The following GRIA4 variants were observed in gnomAD, a reference collection of about 807,000 sequenced individuals.
GRIA4 encodes glutamate ionotropic receptor AMPA type subunit 4.
In GRIA4, 34 loss-of-function variants were observed where a neutral mutation model predicts 104.0. That is an observed-to-expected ratio of 0.33 (90% CI 0.25 to 0.44). GRIA4 has a LOEUF of 0.44. GRIA4 is among the 20% of genes least tolerant of loss of function. GRIA4 has a pLI of 1.00. For missense variants in GRIA4, 750 were observed against 1,096.5 expected (o/e 0.68, Z 4.46); for synonymous variants, 386 against 381.9 (o/e 1.01, Z -0.13).
chr11:105,898,257 T>C lies in GRIA4; in HGVS notation c.727-12T>C, dbSNP rs609239. On this transcript the variant is annotated splice_polypyrimidine_tract_variant and intron_variant, in intron 6 of 16. Coordinates refer to ENST00000282499, the MANE Select transcript of GRIA4 (RefSeq NM_000829.4). ...AACTAAATTTAACAATCTTTTGTAT[T>C]AATTTTTATAGGGATTCAAGGATAT... 0.09 allele frequency: 124,790 copies of C among 1,388,728 alleles called. 6,645 individuals carry two copies. The highest frequency in any genetic ancestry group is 0.22 in the Admixed American group (11,856 of 53,110). 86.0% of individuals were successfully genotyped at this position (1,388,728 alleles called of 1,614,324 possible). A position where few individuals can be genotyped will look rare whatever the true frequency, so the allele number is the denominator to read the frequency against.
chr11:105,877,163 A>C (rs760110569), intron 5 of GRIA4, among the ~76,000 whole-genome samples: 1 of 152,164 alleles, frequency 6.6e-6, no homozygotes, highest in South Asian at 2.1e-4. Context: ...TCCTTCGCTT[A>C]TGAAGCTTAG....
At position 105,924,469 on chromosome 11, in the gene GRIA4, C is replaced by T. The variant is rs553976544; in HGVS notation, c.1547C>T (p.Pro516Leu). ...GAGGAGGTCATTGACTTTTCTAAGC[C>T]CTTCATGAGTTTGGGCATATCTATC... ...VREEVIDFSKPFMSLGISIMI... is the reference protein window; with the variant it reads ...VREEVIDFSKLFMSLGISIMI... Residue 516 changes from proline (P) to leucine (L), a missense_variant, in exon 12 of 17, where the codon CCC becomes CTC. Physicochemically the swap from Pro to Leu is moderately conservative, Grantham distance 98 (BLOSUM62 -3). Coordinates refer to ENST00000282499, the MANE Select transcript of GRIA4 (RefSeq NM_000829.4). 6.2e-7 allele frequency: 1 copy of T among 1,612,178 alleles called. No individual in the cohort carries two copies. Among genetic ancestry groups the T allele is most frequent in the African/African-American group, 1.3e-5 (1 of 74,942 alleles).
Position 105,980,171 on chromosome 11 carries a change from T to C in GRIA4, c.*432T>C, listed in dbSNP as rs1859201062. 1 of 154,254 alleles carries C rather than the reference T, an allele frequency of 6.5e-6. No homozygotes were observed. The highest frequency in any genetic ancestry group is 6.5e-5 in the Admixed American group (1 of 15,406). 9.6% of individuals were successfully genotyped at this position (154,254 alleles called of 1,614,324 possible). ...CATGCTAACCTGTGTCTCCAGAACA[T>C]CCATATAGTCCATGGAAGAAAATCC... is the stretch of plus-strand genomic sequence containing the variant. On this transcript the variant is annotated 3_prime_UTR_variant, in exon 17 of 17. Coordinates refer to ENST00000282499, the MANE Select transcript of GRIA4 (RefSeq NM_000829.4).
chr11:105,803,733 T>C (rs1250261787), intron 4 of GRIA4, among the ~76,000 whole-genome samples: 1 of 151,610 alleles, frequency 6.6e-6, no homozygotes, highest in Non-Finnish European at 1.5e-5. Context: ...GAGCTCCTAA[T>C]GATCCTTGCT....
intron 4 of GRIA4, among the ~76,000 whole-genome samples, chr11:105,813,113 A>AG (rs1048119725): frequency 4.8e-5 from 7 of 147,120 alleles, no homozygotes; most frequent in Admixed American, 6.9e-5. Flanking sequence ...AAAAAAAAAA[A>AG]AAGAAGAAAG....
intron 4 of GRIA4, among the ~76,000 whole-genome samples, chr11:105,766,231 A>G (rs1186399631): frequency 1.3e-5 from 2 of 152,168 alleles, no homozygotes; most frequent in Non-Finnish European, 2.9e-5. Context: ...TCAGGCCACC[A>G]TAGAATTGCA....
intron 14 of GRIA4, among the ~76,000 whole-genome samples, chr11:105,960,074 TGGAG>T (rs1446556420): frequency 1.3e-5 from 2 of 152,210 alleles, no homozygotes; most frequent in Non-Finnish European, 2.9e-5. Flanking sequence ...CAACCCCTGT[TGGAG>T]GGTCTCATTC....
At chr11:105,737,777 T>C (rs1591170102) in intron 3 of GRIA4, among the ~76,000 whole-genome samples, 1 of 152,150 alleles carries the variant, frequency 6.6e-6, no homozygotes, top group East Asian at 1.9e-4. Context: ...AGTGGTGGAA[T>C]GAAATGAACA....
In GRIA4 at chr11:105,864,279, A is replaced by C. The variant is rs555022200; in HGVS notation, c.672+2071A>C. Among the ~76,000 whole-genome samples, 3 of 152,304 alleles carry C rather than the reference A, an allele frequency of 2.0e-5. No homozygotes were observed. The South Asian group carries it at 6.2e-4, about 32-fold the overall frequency. On this transcript the variant is annotated intron_variant, in intron 5 of 16. Coordinates refer to ENST00000282499, the MANE Select transcript of GRIA4 (RefSeq NM_000829.4). ...ATTCCTTGTAGCTCTAAATGAAACA[A>C]CTTTCAATGTTTTCTTGGTTTTACT...
intron 14 of GRIA4, among the ~76,000 whole-genome samples, chr11:105,937,064 C>T (rs1948063863): frequency 6.6e-6 from 1 of 151,972 alleles, no homozygotes; most frequent in Admixed American, 6.6e-5. Context: ...ACAATTTATA[C>T]TTCTATCAGT....
chr11:105,859,387 C>G (rs1295697354), intron 4 of GRIA4, among the ~76,000 whole-genome samples: 1 of 152,054 alleles, frequency 6.6e-6, no homozygotes, highest in East Asian at 1.9e-4. Flanking sequence ...AGATTGTGTC[C>G]TAGGGTTCTG....
chr11:105,690,457 C>A (rs1005177997), intron 3 of GRIA4, among the ~76,000 whole-genome samples: 1 of 152,128 alleles, frequency 6.6e-6, no homozygotes, highest in Non-Finnish European at 1.5e-5. Context: ...AATTAGTAAT[C>A]AGTCACTTAT....
intron 3 of GRIA4, among the ~76,000 whole-genome samples, chr11:105,751,453 A>G (rs530657891): frequency 1.9e-4 from 29 of 152,296 alleles, no homozygotes; most frequent in Middle Eastern, 3.4e-3. Flanking sequence ...AGCTTCAACT[A>G]GAAACTTCCT....
At chr11:105,737,697 AGG>A (rs1939041491) in intron 3 of GRIA4, among the ~76,000 whole-genome samples, 2 of 152,150 alleles carry the variant, frequency 1.3e-5, no homozygotes, top group Non-Finnish European at 2.9e-5. Flanking sequence ...GTAGCAATAA[AGG>A]TATAATGGTC....
At chr11:105,904,822 C>T (rs1946985050) in intron 8 of GRIA4, among the ~76,000 whole-genome samples, 1 of 151,994 alleles carries the variant, frequency 6.6e-6, no homozygotes, top group African/African-American at 2.4e-5. Context: ...TATGATCTGG[C>T]ATAAGTATCA....
At position 105,729,950 on chromosome 11, in the gene GRIA4, T is replaced by C. The variant is rs138020636; in HGVS notation, c.248-23031T>C. ...ACTGAGTGGGCAAAAGCTGGAAGCA[T>C]TCCCTTAGAAAACCGGCACAAGACG... On this transcript the variant is annotated intron_variant, in intron 3 of 16. Transcript: ENST00000282499. Among the ~76,000 whole-genome samples, 494 of 152,288 alleles carry C rather than the reference T, an allele frequency of 3.2e-3. 4 individuals carry two copies. Among genetic ancestry groups the C allele is most frequent in the African/African-American group, 0.011 (471 of 41,568 alleles).
chr11:105,878,103 G>A (rs554995982), intron 5 of GRIA4, among the ~76,000 whole-genome samples: 3 of 152,198 alleles, frequency 2.0e-5, no homozygotes, highest in South Asian at 2.1e-4. Flanking sequence ...CTGAGTGGAC[G>A]TCCTTTTTGT....
At chr11:105,648,849 T>A (rs902591048) in intron 3 of GRIA4, among the ~76,000 whole-genome samples, 5 of 152,216 alleles carry the variant, frequency 3.3e-5, no homozygotes, top group Non-Finnish European at 7.3e-5. Context: ...AAACCAGTCA[T>A]TAAATAAAAA....
At chr11:105,678,789 G>A (rs1952621758) in intron 3 of GRIA4, among the ~76,000 whole-genome samples, 1 of 151,972 alleles carries the variant, frequency 6.6e-6, no homozygotes, top group Non-Finnish European at 1.5e-5. Context: ...TACCATTAAG[G>A]TAAAAGTATA....
Sources: gnomAD v4.1 joint callset for allele counts (sites outside exome capture counted in the v4.1 genomes callset) on GRCh38, gnomAD v4.1.1 for gene constraint, MANE v1.5 for transcripts, NCBI Gene and HGNC (gene_info 2026-07-23, HGNC 2026-07-21) for gene names.